The following DDX10 variants were observed in gnomAD, a reference collection of about 807,000 sequenced individuals.
DDX10 encodes DEAD-box helicase 10, also known as probable ATP-dependent RNA helicase DDX10.
Under a neutral mutation model 104.3 loss-of-function variants are expected in DDX10, and 74 were observed. That is an observed-to-expected ratio of 0.71 (90% CI 0.59 to 0.86). The LOEUF is 0.86. Among genes scored for constraint, DDX10 ranks in the 40% least tolerant of loss-of-function variants. The pLI, the probability that DDX10 is intolerant of heterozygous loss-of-function variation, is 0.00. For synonymous variants in DDX10, 351 were observed against 353.4 expected (o/e 0.99, Z 0.08); for missense variants, 952 against 1,040.0 (o/e 0.92, Z 1.16).
chr11:108,755,442 A>C (rs2094343352), intron 13 of DDX10, among the ~76,000 whole-genome samples: 1 of 152,016 alleles, frequency 6.6e-6, no homozygotes, highest in African/African-American at 2.4e-5. Flanking sequence ...GTTGTAAATA[A>C]AGTTTTATTG....
intron 13 of DDX10, among the ~76,000 whole-genome samples, chr11:108,805,315 C>T (rs544648597): frequency 6.6e-6 from 1 of 152,338 alleles, no homozygotes; most frequent in African/African-American, 2.4e-5. Flanking sequence ...TTTGAGCCTC[C>T]ACACTGGAAG....
intron 6 of DDX10, among the ~76,000 whole-genome samples, chr11:108,685,563 A>T (rs1443427064): frequency 1.3e-5 from 2 of 152,198 alleles, no homozygotes; most frequent in African/African-American, 2.4e-5. Context: ...TCCCAAGGTT[A>T]TCTCCAGTTC....
At chr11:108,763,383 T>A (rs555462243) in intron 13 of DDX10, among the ~76,000 whole-genome samples, 1 of 152,226 alleles carries the variant, frequency 6.6e-6, no homozygotes, top group African/African-American at 2.4e-5. Context: ...ACATAAACAT[T>A]AAAAAAACCT....
intron 13 of DDX10, among the ~76,000 whole-genome samples, chr11:108,824,421 CA>C (rs1241119983): frequency 6.6e-6 from 1 of 152,154 alleles, no homozygotes; most frequent in African/African-American, 2.4e-5. Context: ...CCATGTGACA[CA>C]AGTTATCTTT....
In DDX10 at chr11:108,703,319, T is replaced by C. The variant is rs137950917; in HGVS notation, c.1224-3420T>C. Among the ~76,000 whole-genome samples the C allele has an allele frequency of 1.9e-3, 289 of 151,686 alleles. 3 individuals carry two copies. The highest frequency in any genetic ancestry group is 3.1e-3 in the Non-Finnish European group (213 of 67,782). On this transcript the variant is annotated intron_variant, in intron 9 of 17. Coordinates refer to ENST00000322536, the MANE Select transcript of DDX10 (RefSeq NM_004398.4). Reference sequence around the variant, plus strand: ...TTTTGAAAACAAATCTGTCTAAATATAGAATTTTAAAGTGTAGATCTTTTT... The same window carrying C: ...TTTTGAAAACAAATCTGTCTAAATACAGAATTTTAAAGTGTAGATCTTTTT...
intron 13 of DDX10, among the ~76,000 whole-genome samples, chr11:108,758,044 G>A (rs558901460): frequency 2.6e-5 from 4 of 151,982 alleles, no homozygotes; most frequent in Middle Eastern, 3.4e-3. Context: ...CTTCTTTTAC[G>A]CCATAGTGGC....
intron 16 of DDX10, among the ~76,000 whole-genome samples, chr11:108,855,975 TTTA>T (rs1236352199): frequency 1.3e-5 from 2 of 152,208 alleles, no homozygotes; most frequent in Non-Finnish European, 1.5e-5. Context: ...TTCACTTGTT[TTTA>T]TTTTTTGGTT....
At chr11:108,793,468 G>A (rs1241877647) in intron 13 of DDX10, among the ~76,000 whole-genome samples, 1 of 152,042 alleles carries the variant, frequency 6.6e-6, no homozygotes, top group Non-Finnish European at 1.5e-5. Flanking sequence ...CTTGACCCAG[G>A]GGTCTAGTGC....
intron 13 of DDX10, among the ~76,000 whole-genome samples, chr11:108,834,927 C>CAAAAAAAA (rs56174572): frequency 4.8e-5 from 3 of 62,246 alleles, no homozygotes; most frequent in Admixed American, 2.5e-4. Flanking sequence ...GACTCCATCT[C>CAAAAAAAA]AAAAAAAAAA....
chr11:108,748,891 T>C (rs372726366), intron 13 of DDX10, among the ~76,000 whole-genome samples: 19 of 151,208 alleles, frequency 1.3e-4, no homozygotes, highest in African/African-American at 4.7e-4. Context: ...TTTTAAAACT[T>C]TTCTTTTTTT....
intron 13 of DDX10, among the ~76,000 whole-genome samples, chr11:108,749,086 C>CTCTA (rs1555021315): frequency 2.0e-5 from 3 of 150,768 alleles, no homozygotes; most frequent in African/African-American, 7.3e-5. Flanking sequence ...CTCTCTCTCT[C>CTCTA]TATATATATA....
intron 16 of DDX10, among the ~76,000 whole-genome samples, chr11:108,908,335 T>C (rs1863623953): frequency 6.6e-6 from 1 of 152,224 alleles, no homozygotes; most frequent in Non-Finnish European, 1.5e-5. Context: ...AATTTTCTTT[T>C]TAATCTTTAC....
At chr11:108,930,852 CAGGGCTGCCCTTTG>C (rs1428614822) in intron 17 of DDX10, among the ~76,000 whole-genome samples, 1 of 152,188 alleles carries the variant, frequency 6.6e-6, no homozygotes, top group Non-Finnish European at 1.5e-5. Context: ...TCCTTATGAA[CAGGGCTGCCCTTTG>C]AGGAACTGTC....
At chr11:108,765,040 T>C (rs2094354920) in intron 13 of DDX10, among the ~76,000 whole-genome samples, 1 of 152,248 alleles carries the variant, frequency 6.6e-6, no homozygotes, top group African/African-American at 2.4e-5. Context: ...TATTAACTTT[T>C]ATGCAAGGTT....
At chr11:108,796,852 A>T (rs1024415544) in intron 13 of DDX10, among the ~76,000 whole-genome samples, 2 of 152,124 alleles carry the variant, frequency 1.3e-5, no homozygotes, top group Non-Finnish European at 2.9e-5. Flanking sequence ...TGGGTTTCCT[A>T]AAAAAGGACA....
chr11:108,905,195 A>C (rs1863575070), intron 16 of DDX10, among the ~76,000 whole-genome samples: 1 of 151,946 alleles, frequency 6.6e-6, no homozygotes, highest in African/African-American at 2.4e-5. Flanking sequence ...CCTAATCTAA[A>C]GCTCTCCTGA....
chr11:108,820,782 G>A (rs1045668345), intron 13 of DDX10, among the ~76,000 whole-genome samples: 14 of 152,128 alleles, frequency 9.2e-5, no homozygotes, highest in African/African-American at 2.9e-4. Flanking sequence ...AGTGACTCCC[G>A]GTGTTTTCAG....
chr11:108,797,662 A>G (rs997744675), intron 13 of DDX10, among the ~76,000 whole-genome samples: 1 of 152,240 alleles, frequency 6.6e-6, no homozygotes, highest in Non-Finnish European at 1.5e-5. Flanking sequence ...AAGGAGAGCC[A>G]TGTCTTTATC....
chr11:108,879,917 AT>A (rs1591107941), intron 16 of DDX10, among the ~76,000 whole-genome samples: 1 of 151,976 alleles, frequency 6.6e-6, no homozygotes, highest in Non-Finnish European at 1.5e-5. Flanking sequence ...ATTACTGCAT[AT>A]TTTTTCAGCT....
Sources: allele counts gnomAD v4.1 joint callset (sites outside exome capture counted in the v4.1 genomes callset), GRCh38; gene constraint gnomAD v4.1.1; transcripts MANE v1.5; gene names NCBI Gene and HGNC (gene_info 2026-07-23, HGNC 2026-07-21).